TTC23: variants seen among roughly 807,000 people sequenced by gnomAD.
TTC23 encodes the protein tetratricopeptide repeat protein 23.
TTC23 carries 58 observed loss-of-function variants against 55.1 expected under a neutral mutation model. That is an observed-to-expected ratio of 1.05 (90% CI 0.85 to 1.31). TTC23 has a LOEUF of 1.31. Ranked by LOEUF, TTC23 falls within the 50% of genes most tolerant of loss-of-function variation. The pLI, the probability that TTC23 is intolerant of heterozygous loss-of-function variation, is 0.00. For missense variants in TTC23, 516 were observed against 534.4 expected, an observed-to-expected ratio of 0.97 and a Z score of 0.34; for synonymous variants, 203 against 199.9, an observed-to-expected ratio of 1.02 and a Z score of -0.13.
intron 10 of TTC23, among the ~76,000 whole-genome samples, chr15:99,164,176 C>A (rs1356961161): frequency 6.6e-6 from 1 of 152,142 alleles, no homozygotes; most frequent in Non-Finnish European, 1.5e-5. Flanking sequence ...CAGGGGTTGG[C>A]AAACTTATTC....
chr15:99,145,765 A>G (rs1373069550), intron 12 of TTC23, among the ~76,000 whole-genome samples: 4 of 151,982 alleles, frequency 2.6e-5, no homozygotes, highest in African/African-American at 9.7e-5. Flanking sequence ...CACTGATCCT[A>G]TGACCAGAGG....
Position 99,137,997 on chromosome 15 carries a change from C to A in TTC23, c.*13G>T. On this transcript the variant is annotated 3_prime_UTR_variant, in exon 14 of 14. Transcript: ENST00000394132. ...TGCCCAGGAATGTCCTAGGCTTTTT[C>A]AGGGTGGGGGCCTCAGTCTGCTGTT... 1 of 1,614,008 alleles carries A rather than the reference C, an allele frequency of 6.2e-7. No individual in the cohort carries two copies. Among genetic ancestry groups the A allele is most frequent in the Non-Finnish European group, 8.5e-7 (1 of 1,179,964 alleles).
At chr15:99,174,567 A>G (rs1036233046) in intron 10 of TTC23, among the ~76,000 whole-genome samples, 10 of 152,034 alleles carry the variant, frequency 6.6e-5, no homozygotes, top group African/African-American at 2.2e-4. Context: ...TGCTCTACCT[A>G]TTACGCGGGG....
At chr15:99,192,406 G>A (rs2075321179) in intron 9 of TTC23, among the ~76,000 whole-genome samples, 2 of 152,174 alleles carry the variant, frequency 1.3e-5, no homozygotes, top group Admixed American at 1.3e-4. Flanking sequence ...GCTGTGTGCA[G>A]CCTAGGAACT....
At chr15:99,170,639 C>T (rs900441491) in intron 10 of TTC23, among the ~76,000 whole-genome samples, 2 of 152,206 alleles carry the variant, frequency 1.3e-5, no homozygotes, top group African/African-American at 2.4e-5. Flanking sequence ...CACAAAGATA[C>T]GTTGCAAATT....
At chr15:99,242,832 A>C (rs1047144596) in intron 2 of TTC23, among the ~76,000 whole-genome samples, 2 of 152,244 alleles carry the variant, frequency 1.3e-5, no homozygotes, top group African/African-American at 2.4e-5. Flanking sequence ...GGCTGATAAA[A>C]GCCTGATTTT....
At chr15:99,157,529 A>G (rs1337183583) in intron 11 of TTC23, 1 of 152,188 alleles carries the variant, frequency 6.6e-6, no homozygotes, top group African/African-American at 2.4e-5. Flanking sequence ...CATACATTTT[A>G]GTCCCATGCT....
chr15:99,212,301 T>C (rs2077104191), intron 8 of TTC23, among the ~76,000 whole-genome samples: 1 of 151,858 alleles, frequency 6.6e-6, no homozygotes, highest in Non-Finnish European at 1.5e-5. Context: ...TGCATGCATG[T>C]GCAATGGCAT....
At chr15:99,201,521 A>G (rs1567469497) in intron 8 of TTC23, among the ~76,000 whole-genome samples, 1 of 152,140 alleles carries the variant, frequency 6.6e-6, no homozygotes, top group Non-Finnish European at 1.5e-5. Context: ...TTTCACACCT[A>G]TTTTTGCTCT....
At chr15:99,192,830 C>T (rs11636725) in intron 9 of TTC23, among the ~76,000 whole-genome samples, 5,358 of 152,240 alleles carry the variant, frequency 0.035, 131 homozygotes, top group Non-Finnish European at 0.056. Context: ...AGACACTCAT[C>T]GTCAATGTGT....
intron 3 of TTC23, among the ~76,000 whole-genome samples, chr15:99,238,101 G>A (rs1253263661): frequency 1.3e-5 from 2 of 152,088 alleles, no homozygotes; most frequent in African/African-American, 4.8e-5. Flanking sequence ...AAGGAGCTGG[G>A]ATTACAGGCA....
chr15:99,163,661 T>C (rs1178662357), intron 10 of TTC23, among the ~76,000 whole-genome samples: 3 of 152,208 alleles, frequency 2.0e-5, no homozygotes, highest in South Asian at 2.1e-4. Flanking sequence ...ATGGTGATGA[T>C]AGTCAGAGGC....
intron 8 of TTC23, among the ~76,000 whole-genome samples, chr15:99,215,057 T>A (rs575433768): frequency 1.3e-5 from 2 of 151,756 alleles, no homozygotes; most frequent in Non-Finnish European, 2.9e-5. Context: ...GGTCTCGCCA[T>A]GTTAGCTAGG....
rs758528069 is a variant in TTC23 at position 99,200,148 on chromosome 15, G to A, written c.582-52C>T. ...TTTAATAATTAAAATAGAAAATACT[G>A]AAAATATAGGTGAGCTGGTAGTTGG... is the stretch of plus-strand genomic sequence containing the variant. On this transcript the variant is annotated intron_variant, in intron 8 of 13. Transcript: ENST00000394132. 29 of 1,428,012 alleles carry A rather than the reference G, an allele frequency of 2.0e-5. No homozygotes were observed. The African/African-American group carries it at 4.1e-4, about 20-fold the overall frequency. 88.5% of individuals were successfully genotyped at this position (1,428,012 alleles called of 1,614,324 possible). A position where few individuals can be genotyped will look rare whatever the true frequency, so the allele number is the denominator to read the frequency against.
chr15:99,222,398 T>C (rs2078020935), intron 5 of TTC23, among the ~76,000 whole-genome samples: 1 of 152,138 alleles, frequency 6.6e-6, no homozygotes, highest in African/African-American at 2.4e-5. Flanking sequence ...CACCTCAGCC[T>C]CCTGAGCAGC....
At chr15:99,184,227 C>T (rs1033633828) in intron 9 of TTC23, among the ~76,000 whole-genome samples, 3 of 152,190 alleles carry the variant, frequency 2.0e-5, no homozygotes, top group African/African-American at 7.2e-5. Context: ...GAAGCCCCTA[C>T]ACAGAGTCTC....
chr15:99,147,265 A>C (rs111601164), intron 12 of TTC23, among the ~76,000 whole-genome samples: 10,629 of 112,320 alleles, frequency 0.095, 654 homozygotes, highest in East Asian at 0.31. Flanking sequence ...TCGCTCTGTC[A>C]CCCAGGCTGG....
intron 1 of TTC23, among the ~76,000 whole-genome samples, chr15:99,247,849 A>ATGATGAAAATTTTCTAAAATTTCT (rs2080391782): frequency 1.6e-5 from 1 of 62,604 alleles, no homozygotes. Flanking sequence ...CTAAAATTGG[A>ATGATGAAAATTTTCTAAAATTTCT]ATGTGGTGAT....
intron 9 of TTC23, among the ~76,000 whole-genome samples, chr15:99,196,303 A>C (rs1163204227): frequency 6.6e-6 from 1 of 152,152 alleles, no homozygotes; most frequent in Admixed American, 6.5e-5. Context: ...CAAAGAAAAA[A>C]CTGCTGGTGG....
Sources: gnomAD v4.1 joint callset for allele counts (sites outside exome capture counted in the v4.1 genomes callset) on GRCh38, gnomAD v4.1.1 for gene constraint, MANE v1.5 for transcripts, NCBI Gene and HGNC (gene_info 2026-07-23, HGNC 2026-07-21) for gene names.